The following RARB variants were observed in gnomAD, a reference collection of about 807,000 sequenced individuals.
RARB encodes HBV-activated protein.
A neutral mutation model predicts 51.9 loss-of-function variants in RARB; 17 were observed. The observed-to-expected ratio is 0.33, with a 90% confidence interval of 0.22 to 0.49. RARB has a LOEUF of 0.49. Ranked by LOEUF, RARB falls within the 20% of genes least tolerant of loss-of-function variation. RARB has a pLI of 0.99. For synonymous variants in RARB, 215 were observed against 195.4 expected (o/e 1.10, Z -0.84); for missense variants, 369 against 550.8 (o/e 0.67, Z 3.30).
At chr3:24,991,373 G>A (rs1250680776) in intron 2 of RARB, among the ~76,000 whole-genome samples, 1 of 151,548 alleles carries the variant, frequency 6.6e-6, no homozygotes, top group African/African-American at 2.4e-5. Context: ...AACCTGGGAG[G>A]TAGAGGTTGC....
chr3:25,180,395 A>G (rs758050065), intron 5 of RARB, among the ~76,000 whole-genome samples: 1 of 152,198 alleles, frequency 6.6e-6, no homozygotes, highest in Non-Finnish European at 1.5e-5. Flanking sequence ...AATCATGACA[A>G]TGGCTTTGAG....
At chr3:24,875,511 T>C (rs529676221) in intron 2 of RARB, among the ~76,000 whole-genome samples, 1 of 152,246 alleles carries the variant, frequency 6.6e-6, no homozygotes, top group Admixed American at 6.5e-5. Flanking sequence ...TTGAATAAAT[T>C]AATGCACTAA....
chr3:25,376,869 T>C (rs1706475493), intron 5 of RARB, among the ~76,000 whole-genome samples: 1 of 152,172 alleles, frequency 6.6e-6, no homozygotes, highest in Non-Finnish European at 1.5e-5. Flanking sequence ...TGTCCTCTGT[T>C]AGGCACAGGT....
At chr3:25,164,412 T>G (rs892850391) in intron 4 of RARB, among the ~76,000 whole-genome samples, 1 of 150,776 alleles carries the variant, frequency 6.6e-6, no homozygotes, top group Non-Finnish European at 1.5e-5. Flanking sequence ...ATGTGTGCAG[T>G]GACCTGACAT....
chr3:25,049,187 G>T (rs1160746132), intron 2 of RARB, among the ~76,000 whole-genome samples: 2 of 152,192 alleles, frequency 1.3e-5, no homozygotes, highest in African/African-American at 4.8e-5. Context: ...GAAGCAGTGA[G>T]ACATTTTAGG....
At chr3:24,889,999 A>T (rs140402486) in intron 2 of RARB, among the ~76,000 whole-genome samples, 46 of 152,222 alleles carry the variant, frequency 3.0e-4, no homozygotes, top group African/African-American at 1.1e-3. Flanking sequence ...CACATTCATT[A>T]TTCTAATGCG....
At chr3:25,203,662 A>G (rs540306466) in intron 5 of RARB, among the ~76,000 whole-genome samples, 128 of 152,250 alleles carry the variant, frequency 8.4e-4, no homozygotes, top group African/African-American at 2.8e-3. Context: ...GCTTGTCTGT[A>G]AAGGATTTTA....
chr3:25,035,409 G>T (rs148654665), intron 2 of RARB, among the ~76,000 whole-genome samples: 1 of 145,810 alleles, frequency 6.9e-6, no homozygotes, highest in East Asian at 2.0e-4. Flanking sequence ...GTTGTGAGCC[G>T]CTGCGTCCAG....
intron 5 of RARB, among the ~76,000 whole-genome samples, chr3:25,182,854 T>G (rs1374142958): frequency 6.6e-6 from 1 of 152,180 alleles, no homozygotes; most frequent in Non-Finnish European, 1.5e-5. Context: ...CCTAATCCAG[T>G]ATGACTATGT....
chr3:25,591,706 G>A (rs141653602), intron 5 of RARB, among the ~76,000 whole-genome samples: 358 of 152,282 alleles, frequency 2.4e-3, no homozygotes, highest in Non-Finnish European at 3.3e-3. Flanking sequence ...TAGGGATGAA[G>A]AGGGCTTACT....
At chr3:25,513,543 A>T (rs1698010748) in intron 3 of RARB, among the ~76,000 whole-genome samples, 1 of 151,982 alleles carries the variant, frequency 6.6e-6, no homozygotes, top group Admixed American at 6.5e-5. Context: ...GCACCATATG[A>T]GTGATAGCAT....
intron 2 of RARB, among the ~76,000 whole-genome samples, chr3:25,494,253 G>GCACGCGCGCGCACACACACACA (rs1553623182): frequency 1.5e-5 from 2 of 131,968 alleles, no homozygotes; most frequent in East Asian, 2.0e-4. Context: ...TGTATCTTAC[G>GCACGCGCGCGCACACACACACA]CACACACACA....
intron 3 of RARB, among the ~76,000 whole-genome samples, chr3:25,069,190 A>G (rs989106941): frequency 1.3e-5 from 2 of 151,324 alleles, no homozygotes; most frequent in African/African-American, 4.9e-5. Flanking sequence ...CAATTAGGCT[A>G]GAGCAGGACT....
intron 3 of RARB, among the ~76,000 whole-genome samples, chr3:25,565,612 T>C (rs1333130797): frequency 6.6e-6 from 1 of 152,140 alleles, no homozygotes; most frequent in Non-Finnish European, 1.5e-5. Flanking sequence ...AAGGAACAAA[T>C]GAATCCACCC....
chr3:24,999,024 C>A (rs1371875216), intron 2 of RARB, among the ~76,000 whole-genome samples: 1 of 152,050 alleles, frequency 6.6e-6, no homozygotes, highest in Non-Finnish European at 1.5e-5. Context: ...GAGCCCAGTC[C>A]CTAATGGGCC....
chr3:25,512,004 A>C (rs1697918270), intron 3 of RARB, among the ~76,000 whole-genome samples: 1 of 152,162 alleles, frequency 6.6e-6, no homozygotes, highest in Admixed American at 6.5e-5. Context: ...CCACTTACTT[A>C]GCTCTGTGTG....
chr3:25,434,053 T>A (rs1481039074), intron 1 of RARB, among the ~76,000 whole-genome samples: 1 of 152,168 alleles, frequency 6.6e-6, no homozygotes, highest in Non-Finnish European at 1.5e-5. Flanking sequence ...TAAGACTCTC[T>A]GCCCCCTGCG....
intron 5 of RARB, among the ~76,000 whole-genome samples, chr3:25,281,861 G>A (rs1703531319): frequency 6.6e-6 from 1 of 152,164 alleles, no homozygotes; most frequent in South Asian, 2.1e-4. Flanking sequence ...CTCCTACAGG[G>A]ATATCTCCTG....
chr3:25,162,269 A>C (rs115524513), intron 4 of RARB, among the ~76,000 whole-genome samples: 2,381 of 152,116 alleles, frequency 0.016, 57 homozygotes, highest in African/African-American at 0.054. Context: ...ATGCCTGGCT[A>C]AATTTTTTAT....
Sources: gnomAD v4.1 joint callset for allele counts (sites outside exome capture counted in the v4.1 genomes callset) on GRCh38, gnomAD v4.1.1 for gene constraint, MANE v1.5 for transcripts, NCBI Gene and HGNC (gene_info 2026-07-23, HGNC 2026-07-21) for gene names.